Variants in AK5 observed in about 807,000 individuals in gnomAD.
The protein encoded by AK5 is adenylate kinase 5.
In AK5, 27 loss-of-function variants were observed where a neutral mutation model predicts 69.5. The observed-to-expected ratio is 0.39, with a 90% CI of 0.29 to 0.54. The LOEUF is 0.54. Ranked by LOEUF, AK5 falls within the 20% of genes least tolerant of loss-of-function variation. AK5 has a pLI of 0.71. For synonymous variants in AK5, 260 were observed against 244.4 expected, an observed-to-expected ratio of 1.06 and a Z score of -0.60; for missense variants, 531 against 700.4, an observed-to-expected ratio of 0.76 and a Z score of 2.73.
chr1:77,449,223 A>G (rs1652979617), intron 8 of AK5, among the ~76,000 whole-genome samples: 1 of 152,234 alleles, frequency 6.6e-6, no homozygotes, highest in Non-Finnish European at 1.5e-5. Flanking sequence ...AGCAGCCAGA[A>G]GAGGGGGGTA....
At chr1:77,515,707 A>T (rs1657606105) in intron 10 of AK5, among the ~76,000 whole-genome samples, 2 of 152,160 alleles carry the variant, frequency 1.3e-5, no homozygotes, top group Admixed American at 6.5e-5. Flanking sequence ...AGAAGGGGGA[A>T]ACATGTGATC....
At chr1:77,397,756 G>C (rs1051636888) in intron 6 of AK5, among the ~76,000 whole-genome samples, 79 of 152,186 alleles carry the variant, frequency 5.2e-4, no homozygotes, top group African/African-American at 1.8e-3. Flanking sequence ...TAAAAAATTA[G>C]CCAGGTATGG....
At chr1:77,374,451 G>A (rs1647186889) in intron 6 of AK5, among the ~76,000 whole-genome samples, 1 of 144,782 alleles carries the variant, frequency 6.9e-6, no homozygotes, top group Non-Finnish European at 1.5e-5. Context: ...ACCAAGAGAA[G>A]GAAGCCCAAA....
intron 10 of AK5, 139 bp downstream of exon 10, chr1:77,486,491 C>T (rs188326344): frequency 6.4e-5 from 33 of 516,314 alleles, no homozygotes; most frequent in East Asian, 1.5e-4. Flanking sequence ...GTCAGGAGAT[C>T]GAGACCATCC....
chr1:77,532,841 C>G (rs1168295829), intron 12 of AK5, among the ~76,000 whole-genome samples: 2 of 152,204 alleles, frequency 1.3e-5, no homozygotes, highest in Non-Finnish European at 2.9e-5. Flanking sequence ...GTCTCTGATT[C>G]ATTCAGCCAA....
At position 77,367,789 on chromosome 1, in the gene AK5, A is replaced by ATATATATTATATAT. The variant is rs1273607999; in HGVS notation, c.891+27226_891+27227insATTATATATTATAT. The stretch of plus-strand genomic sequence containing the variant: ...ATATATGTTATATATAATATATGTT[A>ATATATATTATATAT]TATATGTTATATATAATATATGTTA... On this transcript the variant is annotated intron_variant, in intron 6 of 13. Transcript: ENST00000354567. Among the ~76,000 whole-genome samples the ATATATATTATATAT allele has an allele frequency of 9.5e-4, 19 of 20,072 alleles. 5 individuals are homozygous for ATATATATTATATAT. The highest frequency in any genetic ancestry group is 2.4e-3 in the Admixed American group (2 of 820). The allele number at this position is 20,072 out of a possible 152,430, so 13.2% of individuals were successfully genotyped here. A position where few individuals can be genotyped will look rare whatever the true frequency, so the allele number is the denominator to read the frequency against.
chr1:77,358,028 A>T (rs372245470), intron 6 of AK5, among the ~76,000 whole-genome samples: 8 of 88,028 alleles, frequency 9.1e-5, no homozygotes, highest in Non-Finnish European at 1.7e-4. Context: ...TGAGAGAGAG[A>T]GAGAGAGAGA....
chr1:77,429,469 A>G (rs1265577494), intron 8 of AK5, among the ~76,000 whole-genome samples: 2 of 152,134 alleles, frequency 1.3e-5, no homozygotes, highest in African/African-American at 4.8e-5. Context: ...TGTAAATTCA[A>G]TGTGCCAGAC....
intron 8 of AK5, among the ~76,000 whole-genome samples, chr1:77,480,202 C>T (rs1308773695): frequency 6.6e-6 from 1 of 151,636 alleles, no homozygotes; most frequent in Non-Finnish European, 1.5e-5. Context: ...ACATTGGAAC[C>T]ATGAGGTTTA....
intron 10 of AK5, among the ~76,000 whole-genome samples, chr1:77,512,482 A>G (rs931409709): frequency 2.4e-4 from 36 of 152,288 alleles, no homozygotes; most frequent in Middle Eastern, 6.8e-3. Context: ...TAACAGAGAG[A>G]TGGGAATAGG....
chr1:77,446,058 T>C (rs1265760110), intron 8 of AK5, among the ~76,000 whole-genome samples: 1 of 152,214 alleles, frequency 6.6e-6, no homozygotes, highest in Non-Finnish European at 1.5e-5. Flanking sequence ...AGTTTTATTA[T>C]TTCAGTCTTA....
rs1659882059 is a variant in AK5 at position 77,552,720 on chromosome 1, A to C, written c.1621-5882A>C. 2.0e-5 allele frequency among the ~76,000 whole-genome samples: 3 copies of C among 152,198 alleles called. No individual in the cohort carries two copies. In the South Asian group the frequency reaches 6.2e-4, roughly 32 times the overall value. ...TGAATGACCAAGTTATCCATTATGA[A>C]ACACAGAGGAAATAGAACATAATGC... On this transcript the variant is annotated intron_variant, in intron 13 of 13. Transcript: ENST00000354567.
chr1:77,369,908 G>A (rs764530572), intron 6 of AK5, among the ~76,000 whole-genome samples: 8 of 152,272 alleles, frequency 5.3e-5, no homozygotes, highest in Non-Finnish European at 7.4e-5. Context: ...TCCACAAAAC[G>A]CACTTTAATG....
chr1:77,482,444 T>C (rs1655310024), intron 8 of AK5, among the ~76,000 whole-genome samples: 1 of 152,172 alleles, frequency 6.6e-6, no homozygotes, highest in Non-Finnish European at 1.5e-5. Context: ...TATTTCATGC[T>C]TTGGTTCGGG....
intron 10 of AK5, among the ~76,000 whole-genome samples, chr1:77,509,285 C>T (rs564316919): frequency 1.3e-5 from 2 of 152,326 alleles, no homozygotes; most frequent in East Asian, 1.9e-4. Flanking sequence ...GGCATATTTC[C>T]ACATATTCAC....
chr1:77,391,483 ATGTGTGTG>A lies in AK5; in HGVS notation c.892-19492_892-19485del, dbSNP rs377483838. 3.0e-3 allele frequency among the ~76,000 whole-genome samples: 280 copies of A among 92,420 alleles called. 2 individuals are homozygous for A. Among genetic ancestry groups the A allele is most frequent in the African/African-American group, 0.013 (268 of 20,860 alleles). The allele number at this position is 92,420 out of a possible 152,430, so 60.6% of individuals were successfully genotyped here. Reference sequence around the variant, plus strand: ...TATATATACACATATGTGTGTGTGTATGTGTGTGTGTGTATATATATATATATATATAT... The same window carrying A: ...TATATATACACATATGTGTGTGTGTATGTGTATATATATATATATATATAT... On this transcript the variant is annotated intron_variant, in intron 6 of 13. Coordinates refer to ENST00000354567, the MANE Select transcript of AK5 (RefSeq NM_174858.3).
chr1:77,372,493 T>A (rs1046895932), intron 6 of AK5, among the ~76,000 whole-genome samples: 1 of 152,204 alleles, frequency 6.6e-6, no homozygotes, highest in Non-Finnish European at 1.5e-5. Flanking sequence ...TAAATCTCTA[T>A]GTTTAATATT....
At position 77,367,565 on chromosome 1, in the gene AK5, A is replaced by AT. The variant is rs1471565780; in HGVS notation, c.891+26998dup. 7.7e-4 allele frequency among the ~76,000 whole-genome samples: 9 copies of AT among 11,722 alleles called. 1 individual carries two copies. Among genetic ancestry groups the AT allele is most frequent in the Admixed American group, 2.0e-3 (1 of 504 alleles). 7.7% of individuals were successfully genotyped at this position (11,722 alleles called of 152,430 possible). A position where few individuals can be genotyped will look rare whatever the true frequency, so the allele number is the denominator to read the frequency against. On this transcript the variant is annotated intron_variant, in intron 6 of 13. Transcript: ENST00000354567. The stretch of plus-strand genomic sequence containing the variant: ...ACTCATTTATGTTATTTTTATATAT[A>AT]TATATATATATATAATATATATGTT...
At chr1:77,557,244 G>C (rs139402276) in intron 13 of AK5, 1 of 174,566 alleles carries the variant, frequency 5.7e-6, no homozygotes, top group East Asian at 1.5e-4. Flanking sequence ...TTTTGTCAGC[G>C]TGTGATTACT....
Sources: gnomAD v4.1 joint callset for allele counts (sites outside exome capture counted in the v4.1 genomes callset) on GRCh38, gnomAD v4.1.1 for gene constraint, MANE v1.5 for transcripts, NCBI Gene and HGNC (gene_info 2026-07-23, HGNC 2026-07-21) for gene names.